The following CDK8 variants were observed in gnomAD, a reference collection of about 807,000 sequenced individuals.
CDK8 encodes the protein cyclin dependent kinase 8.
Under a neutral mutation model 71.5 loss-of-function variants are expected in CDK8, and 29 were observed. The ratio of observed to expected loss-of-function variants is 0.41; its 90% CI spans 0.30 to 0.55. The LOEUF is 0.55. CDK8 is among the 20% of genes least tolerant of loss of function. The probability of loss-of-function intolerance (pLI) is 0.37; values close to 1 mark genes in which losing one functional copy is unlikely to be tolerated. For missense variants in CDK8, 288 were observed against 572.6 expected (o/e 0.50, Z 5.07); for synonymous variants, 161 against 192.1 (o/e 0.84, Z 1.34).
chr13:26,393,304 C>A (rs2138062778), intron 6 of CDK8, 63 bp from the exon 7 acceptor site: 2 of 1,113,080 alleles, frequency 1.8e-6, no homozygotes, highest in African/African-American at 3.2e-5. Flanking sequence ...TTATTTTGCA[C>A]CTTTCTTTTT....
chr13:26,303,061 A>G (rs943087412), intron 1 of CDK8, among the ~76,000 whole-genome samples: 1 of 151,382 alleles, frequency 6.6e-6, no homozygotes, highest in African/African-American at 2.4e-5. Flanking sequence ...TTTCTTTTCT[A>G]TTTTATGTAT....
chr13:26,343,362 G>A (rs955340043), intron 2 of CDK8, among the ~76,000 whole-genome samples: 19 of 152,014 alleles, frequency 1.2e-4, no homozygotes, highest in African/African-American at 4.6e-4. Flanking sequence ...AATAGAAAAG[G>A]CATGGTAAAT....
At chr13:26,276,435 G>A (rs1225910897) in intron 1 of CDK8, among the ~76,000 whole-genome samples, 4 of 152,136 alleles carry the variant, frequency 2.6e-5, no homozygotes, top group Non-Finnish European at 1.5e-5. Context: ...GTCTCTCTGA[G>A]CACTTCTGAT....
chr13:26,270,241 T>C (rs1417946140), intron 1 of CDK8, among the ~76,000 whole-genome samples: 1 of 151,870 alleles, frequency 6.6e-6, no homozygotes, highest in African/African-American at 2.4e-5. Context: ...ATACGAAAAT[T>C]AGCTGGGTGT....
chr13:26,275,394 T>C (rs1872523262), intron 1 of CDK8, among the ~76,000 whole-genome samples: 1 of 152,232 alleles, frequency 6.6e-6, no homozygotes, highest in African/African-American at 2.4e-5. Context: ...ATGTTTTTTA[T>C]TCAGATTTTA....
At chr13:26,380,528 G>A (rs1294052518) in intron 4 of CDK8, among the ~76,000 whole-genome samples, 4 of 152,044 alleles carry the variant, frequency 2.6e-5, no homozygotes, top group Non-Finnish European at 5.9e-5. Context: ...CTGTTGCCCA[G>A]GCTGGAGTGC....
intron 1 of CDK8, among the ~76,000 whole-genome samples, chr13:26,290,517 A>G (rs1429354321): frequency 6.6e-6 from 1 of 152,174 alleles, no homozygotes; most frequent in African/African-American, 2.4e-5. Flanking sequence ...TATGATATAT[A>G]TTAAAAGAGC....
At chr13:26,385,470 C>G (rs1469543966) in intron 6 of CDK8, 128 bp downstream of exon 6, 1 of 711,746 alleles carries the variant, frequency 1.4e-6, no homozygotes, top group Non-Finnish European at 2.1e-6. Context: ...TGTGATGGCT[C>G]ATGCCTGTAA....
intron 4 of CDK8, among the ~76,000 whole-genome samples, chr13:26,360,457 C>G (rs934715931): frequency 1.3e-5 from 2 of 152,090 alleles, no homozygotes; most frequent in Admixed American, 6.5e-5. Flanking sequence ...TCCCCTCATC[C>G]CTTCATCTTC....
chr13:26,254,524 C>T lies in CDK8; in HGVS notation c.-118C>T, dbSNP rs1182860211. ...TGCCGCATCAGTCGGGCTGGTGCTG[C>T]GGCCGGCGGGCGTAGAGCGGGCGGG... is the stretch of plus-strand genomic sequence containing the variant. On this transcript the variant is annotated 5_prime_UTR_variant, in exon 1 of 13. Coordinates refer to ENST00000381527, the MANE Select transcript of CDK8 (RefSeq NM_001260.3). The surrounding 1 kb of genome is among the most constrained non-coding windows in gnomAD (Gnocchi z 6.7). 2.7e-5 allele frequency: 21 copies of T among 788,698 alleles called. No individual in the cohort carries two copies. Among genetic ancestry groups the T allele is most frequent in the Middle Eastern group, 3.8e-4 (1 of 2,642 alleles). The allele number at this position is 788,698 out of a possible 1,614,324, so 48.9% of individuals were successfully genotyped here. A position where few individuals can be genotyped will look rare whatever the true frequency, so the allele number is the denominator to read the frequency against.
At chr13:26,343,620 T>C (rs556785672) in intron 2 of CDK8, among the ~76,000 whole-genome samples, 1 of 152,290 alleles carries the variant, frequency 6.6e-6, no homozygotes, top group Admixed American at 6.5e-5. Context: ...TGAACGTTGC[T>C]CAGGGTATCA....
At chr13:26,353,538 G>A (rs1368503837) in intron 3 of CDK8, among the ~76,000 whole-genome samples, 2 of 151,834 alleles carry the variant, frequency 1.3e-5, no homozygotes, top group East Asian at 3.9e-4. Context: ...CTGAAATGCT[G>A]TCATATGGGT....
At chr13:26,379,092 A>G (rs1015319147) in intron 4 of CDK8, among the ~76,000 whole-genome samples, 4 of 152,318 alleles carry the variant, frequency 2.6e-5, no homozygotes, top group South Asian at 2.1e-4. Context: ...TGATTTGTCT[A>G]CTAAATCATA....
intron 1 of CDK8, among the ~76,000 whole-genome samples, chr13:26,332,410 A>G (rs1872794140): frequency 6.6e-6 from 1 of 151,910 alleles, no homozygotes; most frequent in Admixed American, 6.6e-5. Context: ...ACTTGAACCC[A>G]GGAGGCGGAG....
intron 4 of CDK8, among the ~76,000 whole-genome samples, chr13:26,356,022 T>C (rs1469658447): frequency 1.3e-5 from 2 of 152,168 alleles, no homozygotes; most frequent in Admixed American, 6.5e-5. Context: ...TTATCTCTCT[T>C]ATGGTAAAGC....
intron 1 of CDK8, among the ~76,000 whole-genome samples, chr13:26,305,330 G>T (rs955628468): frequency 5.9e-5 from 9 of 152,064 alleles, no homozygotes; most frequent in African/African-American, 2.2e-4. Flanking sequence ...CTGTCAATCA[G>T]TTGAAACTGT....
intron 1 of CDK8, among the ~76,000 whole-genome samples, chr13:26,302,630 G>A (rs562228685): frequency 5.2e-4 from 79 of 152,254 alleles, no homozygotes; most frequent in African/African-American, 1.8e-3. Flanking sequence ...CCTCTGGCTC[G>A]AATGGAGAGT....
At chr13:26,326,115 A>G (rs1288725752) in intron 1 of CDK8, among the ~76,000 whole-genome samples, 1 of 152,192 alleles carries the variant, frequency 6.6e-6, no homozygotes, top group Admixed American at 6.5e-5. Flanking sequence ...GGTGTTGACA[A>G]AAACTTTCCT....
At chr13:26,362,801 T>G (rs1458698079) in intron 4 of CDK8, among the ~76,000 whole-genome samples, 1 of 152,138 alleles carries the variant, frequency 6.6e-6, no homozygotes, top group Admixed American at 6.5e-5. Context: ...TATATCAAAT[T>G]TTCATATGGT....
Sources: allele counts gnomAD v4.1 joint callset (sites outside exome capture counted in the v4.1 genomes callset), GRCh38; gene constraint gnomAD v4.1.1; non-coding constraint Gnocchi (gnomAD v3.1); transcripts MANE v1.5; gene names NCBI Gene and HGNC (gene_info 2026-07-23, HGNC 2026-07-21).